The following KDM2B variants were observed in gnomAD, a reference collection of about 807,000 sequenced individuals.
KDM2B encodes lysine demethylase 2B.
A neutral mutation model predicts 150.0 loss-of-function variants in KDM2B; 26 were observed. That is an observed-to-expected ratio of 0.17 (90% CI 0.13 to 0.24). KDM2B has a LOEUF of 0.24. KDM2B is among the 10% of genes least tolerant of loss of function. The pLI, the probability that KDM2B is intolerant of heterozygous loss-of-function variation, is 1.00. For synonymous variants in KDM2B, 734 were observed against 729.5 expected, an observed-to-expected ratio of 1.01 and a Z score of -0.10; for missense variants, 1,265 against 1,816.9, an observed-to-expected ratio of 0.70 and a Z score of 5.52.
chr12:121,500,263 T>C (rs1296623895), intron 11 of KDM2B, among the ~76,000 whole-genome samples: 1 of 152,086 alleles, frequency 6.6e-6, no homozygotes, highest in Non-Finnish European at 1.5e-5. Context: ...AGCACAGATA[T>C]AAGGAAGGCT....
Position 121,467,014 on chromosome 12 carries a change from C to T in KDM2B, c.1735-13670G>A, listed in dbSNP as rs1379017021. On this transcript the variant is annotated intron_variant, in intron 12 of 22. Coordinates refer to ENST00000377071, the MANE Select transcript of KDM2B (RefSeq NM_032590.5). This position sits in a 1 kb window ranked among gnomAD's most constrained non-coding sequence, Gnocchi z 5.1. ...TCCTCTACGCCCCGCTCGGGCCCGG[C>T]CCCGGCCGCCCCGCCGGCAGCGGCA... 17 of 289,606 alleles carry T rather than the reference C, an allele frequency of 5.9e-5. No individual in the cohort carries two copies. The highest frequency in any genetic ancestry group is 7.9e-5 in the Non-Finnish European group (15 of 190,138). The allele number at this position is 289,606 out of a possible 1,614,324, so 17.9% of individuals were successfully genotyped here. A position where few individuals can be genotyped will look rare whatever the true frequency, so the allele number is the denominator to read the frequency against.
intron 8 of KDM2B, among the ~76,000 whole-genome samples, chr12:121,527,343 C>A (rs1887229001): frequency 1.5e-5 from 1 of 65,220 alleles, no homozygotes. Flanking sequence ...CCACTGTGCC[C>A]AGCCTAAAAA....
intron 4 of KDM2B, among the ~76,000 whole-genome samples, chr12:121,569,181 C>T (rs540371727): frequency 6.6e-6 from 1 of 152,226 alleles, no homozygotes; most frequent in Non-Finnish European, 1.5e-5. Flanking sequence ...CACCCAGCAA[C>T]CCTGGAGAAT....
chr12:121,534,146 G>T (rs28408620), intron 7 of KDM2B, among the ~76,000 whole-genome samples: 1 of 151,940 alleles, frequency 6.6e-6, no homozygotes, highest in Non-Finnish European at 1.5e-5. Context: ...TCAGGAGATC[G>T]AGACCATCCT....
chr12:121,478,258 G>A (rs952541326), intron 12 of KDM2B, among the ~76,000 whole-genome samples: 25 of 151,830 alleles, frequency 1.6e-4, no homozygotes, highest in Non-Finnish European at 3.2e-4. Context: ...GGGGACTGGT[G>A]TACAGATCAT....
intron 12 of KDM2B, among the ~76,000 whole-genome samples, chr12:121,477,869 T>C (rs1881567064): frequency 6.6e-6 from 1 of 151,732 alleles, no homozygotes. Flanking sequence ...TGAGCCATCG[T>C]GCCCAGGCTT....
intron 2 of KDM2B, among the ~76,000 whole-genome samples, chr12:121,578,437 G>A (rs1367358318): frequency 6.6e-6 from 1 of 152,196 alleles, no homozygotes; most frequent in African/African-American, 2.4e-5. Flanking sequence ...CCAGCCAGGC[G>A]GCGGCACCTC....
chr12:121,439,807 T>C, intron 22 of KDM2B, 50 bp downstream of exon 22: 1 of 1,381,680 alleles, frequency 7.2e-7, no homozygotes, highest in Non-Finnish European at 1.0e-6. Context: ...GTGAACCTCC[T>C]GGTTCTCCCA....
At chr12:121,516,971 T>C in intron 9 of KDM2B, 3 of 622,926 alleles carry the variant, frequency 4.8e-6, no homozygotes, top group Non-Finnish European at 8.5e-6. Context: ...ATTCAGTGGC[T>C]GTAAGGGAAT....
chr12:121,566,541 G>C (rs1890718150), intron 4 of KDM2B, among the ~76,000 whole-genome samples: 1 of 152,182 alleles, frequency 6.6e-6, no homozygotes, highest in Non-Finnish European at 1.5e-5. Flanking sequence ...AGAATCGCTT[G>C]AACGGGGAGG....
chr12:121,494,526 A>C, intron 12 of KDM2B, 53 bp downstream of exon 12: 2 of 1,402,788 alleles, frequency 1.4e-6, no homozygotes, highest in Non-Finnish European at 2.0e-6. Context: ...ACCCTACAGG[A>C]GGTGGGAAGG....
chr12:121,438,521 C>T (rs1555287325), intron 22 of KDM2B, among the ~76,000 whole-genome samples: 2 of 152,162 alleles, frequency 1.3e-5, no homozygotes, highest in Non-Finnish European at 1.5e-5. Context: ...CTCCATCACC[C>T]ATTCAAGGCC....
At chr12:121,560,788 T>C (rs1336341482) in intron 4 of KDM2B, among the ~76,000 whole-genome samples, 1 of 151,850 alleles carries the variant, frequency 6.6e-6, no homozygotes, top group African/African-American at 2.4e-5. Context: ...AAGCAAGAGG[T>C]TTGGCACCGG....
chr12:121,536,067 A>T (rs1888067487), intron 6 of KDM2B: 3 of 985,822 alleles, frequency 3.0e-6, no homozygotes, highest in Non-Finnish European at 3.6e-6. Flanking sequence ...GGGAAGAGGG[A>T]AGGAATGGGG....
intron 12 of KDM2B, among the ~76,000 whole-genome samples, chr12:121,466,530 T>C (rs1343211494): frequency 6.6e-6 from 1 of 151,718 alleles, no homozygotes; most frequent in Non-Finnish European, 1.5e-5. Flanking sequence ...CCGCCGCCGC[T>C]GCCGCCGTGC....
At chr12:121,431,023 C>T (rs781777805) in intron 22 of KDM2B, among the ~76,000 whole-genome samples, 1 of 152,206 alleles carries the variant, frequency 6.6e-6, no homozygotes, top group Non-Finnish European at 1.5e-5. Flanking sequence ...CTGTTTGGCC[C>T]TAACTCCAGG....
rs945815577 is a variant in KDM2B at position 121,467,699 on chromosome 12, G to C, written c.1735-14355C>G. On this transcript the variant is annotated intron_variant, in intron 12 of 22. Coordinates refer to ENST00000377071, the MANE Select transcript of KDM2B (RefSeq NM_032590.5). This position sits in a 1 kb window ranked among gnomAD's most constrained non-coding sequence, Gnocchi z 5.1. ...GCAACAGGAAATGCGCGCCCGGCCT[G>C]GGGTGGGGTCCTTTGTGTGGTCCCG... The C allele has an allele frequency of 6.6e-6, 1 of 152,046 alleles. No individual in the cohort carries two copies. The highest frequency in any genetic ancestry group is 1.5e-5 in the Non-Finnish European group (1 of 68,036). 9.4% of individuals were successfully genotyped at this position (152,046 alleles called of 1,614,324 possible).
rs1555292195 is a variant in KDM2B, at chr12:121,453,574, G to A, written c.1735-230C>T. ...AATCCAGTATGACTGGTGTCCTTAC[G>A]AAAGGGGAACTTTTGGACACAGAGA... On this transcript the variant is annotated intron_variant, in intron 12 of 22. Coordinates refer to ENST00000377071, the MANE Select transcript of KDM2B (RefSeq NM_032590.5). This position sits in a 1 kb window ranked among gnomAD's most constrained non-coding sequence, Gnocchi z 6.4. 1.3e-5 allele frequency among the ~76,000 whole-genome samples: 2 copies of A among 152,210 alleles called. No homozygotes were observed. The highest frequency in any genetic ancestry group is 2.9e-5 in the Non-Finnish European group (2 of 68,044).
intron 6 of KDM2B, among the ~76,000 whole-genome samples, chr12:121,545,368 A>G (rs1888950246): frequency 6.6e-6 from 1 of 151,922 alleles, no homozygotes; most frequent in Admixed American, 6.6e-5. Context: ...CAGTGTGTGC[A>G]CAGTGACAGA....
Sources: gnomAD v4.1 joint callset for allele counts (sites outside exome capture counted in the v4.1 genomes callset) on GRCh38, gnomAD v4.1.1 for gene constraint, Gnocchi (gnomAD v3.1) non-coding constraint, MANE v1.5 for transcripts, NCBI Gene and HGNC (gene_info 2026-07-23, HGNC 2026-07-21) for gene names.